LIPE: variants seen among roughly 807,000 people sequenced by gnomAD.
LIPE encodes hormone-sensitive lipase.
LIPE carries 66 observed loss-of-function variants against 88.5 expected under a neutral mutation model. That is an observed-to-expected ratio of 0.75 (90% CI 0.61 to 0.91). The LOEUF is 0.91. Ranked by LOEUF, LIPE falls within the 40% of genes least tolerant of loss-of-function variation. The probability of loss-of-function intolerance (pLI) is 0.00; values close to 1 mark genes in which losing one functional copy is unlikely to be tolerated. For missense variants in LIPE, 1,346 were observed against 1,434.7 expected (o/e 0.94, Z 1.00); for synonymous variants, 570 against 617.5 (o/e 0.92, Z 1.14).
At chr19:42,419,810 C>G (rs1476965263) in intron 1 of LIPE, among the ~76,000 whole-genome samples, 3 of 152,076 alleles carry the variant, frequency 2.0e-5, no homozygotes, top group African/African-American at 4.8e-5. Context: ...CAATGAGTGG[C>G]TGGATCCCCG....
At chr19:42,423,886 C>T in intron 1 of LIPE, 1 of 1,134,206 alleles carries the variant, frequency 8.8e-7, no homozygotes, top group East Asian at 7.3e-5. Flanking sequence ...TGCTGGGAAG[C>T]CTCCCATGTG....
In LIPE at chr19:42,408,963, G is replaced by A. The variant is rs1288777221; in HGVS notation, c.1420-641C>T. The stretch of plus-strand genomic sequence containing the variant: ...GGAGAGGCAAAGGGGGCTCATATAG[G>A]GCCTGGGCAGAGGAATTTGGATTTC... On this transcript the variant is annotated intron_variant, in intron 2 of 9. Transcript: ENST00000244289. This position sits in a 1 kb window ranked among gnomAD's most constrained non-coding sequence, Gnocchi z 4.3. 6.6e-6 allele frequency among the ~76,000 whole-genome samples: 1 copy of A among 152,084 alleles called. No individual in the cohort carries two copies. The highest frequency in any genetic ancestry group is 6.6e-5 in the Admixed American group (1 of 15,258).
chr19:42,403,960 A>C (rs972677116), intron 8 of LIPE, among the ~76,000 whole-genome samples: 2 of 151,716 alleles, frequency 1.3e-5, no homozygotes, highest in Non-Finnish European at 2.9e-5. Flanking sequence ...CTAAAGATAC[A>C]CTTCCAGCCC....
Position 42,406,011 on chromosome 19 carries a change from C to A in LIPE, c.2365+150G>T. 1 of 624,462 alleles carries A rather than the reference C, an allele frequency of 1.6e-6. No individual in the cohort carries two copies. The allele number at this position is 624,462 out of a possible 1,614,324, so 38.7% of individuals were successfully genotyped here. On this transcript the variant is annotated intron_variant, in intron 7 of 9. Coordinates refer to ENST00000244289, the MANE Select transcript of LIPE (RefSeq NM_005357.4). This position sits in a 1 kb window ranked among gnomAD's most constrained non-coding sequence, Gnocchi z 5.7. ...ACACACACACACACACACACACACA[C>A]ACACACACGAAAAAAAAGGGACAAG...
chr19:42,407,679 G>A lies in LIPE; in HGVS notation c.1769C>T (p.Ser590Leu), dbSNP rs2040232186. The A allele has an allele frequency of 1.2e-6, 2 of 1,606,608 alleles. No individual in the cohort carries two copies. Among genetic ancestry groups the A allele is most frequent in the Non-Finnish European group, 1.7e-6 (2 of 1,176,612 alleles). ...TADPTLTVTI[S>L]PPLAHTGPGP... ...AGGGCCTGTGTGGGCCAGTGGGGGT[G>A]AGATGGTGACCGTGAGCGTGGGGTC... is the stretch of plus-strand genomic sequence containing the variant. Residue 590 changes from serine to leucine, a missense_variant, in exon 5 of 10, where the codon TCA (serine) becomes TTA (leucine). Ser to Leu is a moderately radical substitution (Grantham distance 145). Transcript: ENST00000244289. This position sits in a 1 kb window ranked among gnomAD's most constrained non-coding sequence, Gnocchi z 5.8.
At chr19:42,411,353 T>C (rs2040370304) in intron 1 of LIPE, 13 of 984,732 alleles carry the variant, frequency 1.3e-5, no homozygotes, top group Non-Finnish European at 1.6e-5. Flanking sequence ...TGAATTCTCC[T>C]GGGGCCCAAG....
chr19:42,419,701 T>TGGGG (rs2040557719), intron 1 of LIPE, among the ~76,000 whole-genome samples: 1 of 22,600 alleles, frequency 4.4e-5, no homozygotes, highest in African/African-American at 1.8e-4. Flanking sequence ...GGAAGTGGGG[T>TGGGG]GGGGGTGGAT....
chr19:42,403,864 C>G (rs567428166), intron 8 of LIPE, among the ~76,000 whole-genome samples: 3 of 152,086 alleles, frequency 2.0e-5, no homozygotes, highest in Non-Finnish European at 2.9e-5. Context: ...GCACCTGTAG[C>G]CACATGGATC....
At chr19:42,416,727 A>C (rs986390278) in intron 1 of LIPE, among the ~76,000 whole-genome samples, 30 of 152,362 alleles carry the variant, frequency 2.0e-4, no homozygotes, top group African/African-American at 6.7e-4. Flanking sequence ...AGCATGGTTT[A>C]CTGAATATTT....
intron 1 of LIPE, chr19:42,423,887 C>T: frequency 8.8e-7 from 1 of 1,134,724 alleles, no homozygotes. Flanking sequence ...GCTGGGAAGC[C>T]TCCCATGTGC....
Position 42,410,691 on chromosome 19 carries a change from C to T in LIPE, c.1035G>A (p.Ala345=), listed in dbSNP as rs770239857. ...GGCCCAGGGCCGGCTCCAGCCCCAG[C>T]GCCTGCTCCCGTACACCGGCAAAAA... is the stretch of plus-strand genomic sequence containing the variant. ...SGVFAGVREQ[A]LGLEPALGRL... The change falls in exon 2 of 10, where the codon GCG becomes GCA. Residue 345 remains alanine, a synonymous_variant. Coordinates refer to ENST00000244289, the MANE Select transcript of LIPE (RefSeq NM_005357.4). The surrounding 1 kb of genome is among the most constrained non-coding windows in gnomAD (Gnocchi z 6.1). The T allele has an allele frequency of 1.9e-5, 31 of 1,612,788 alleles. No individual in the cohort carries two copies. The South Asian group carries it at 2.2e-4, about 11-fold the overall frequency.
rs967355147 is a variant in LIPE at position 42,401,635 on chromosome 19, G to A, written c.*177C>T. 4.3e-4 allele frequency: 246 copies of A among 568,396 alleles called. 3 individuals are homozygous for A. The highest frequency in any genetic ancestry group is 1.8e-3 in the South Asian group (76 of 42,094). The allele number at this position is 568,396 out of a possible 1,614,324, so 35.2% of individuals were successfully genotyped here. On this transcript the variant is annotated 3_prime_UTR_variant, in exon 10 of 10. Coordinates refer to ENST00000244289, the MANE Select transcript of LIPE (RefSeq NM_005357.4). ...GCAGCGGTGGCGTGCAGGTCCAGCCGTCTCGGTGACCGGTGTGTGTGCGCG... is the reference window on the plus strand; with the variant it reads ...GCAGCGGTGGCGTGCAGGTCCAGCCATCTCGGTGACCGGTGTGTGTGCGCG...
At chr19:42,423,665 C>T (rs2040648730) in intron 1 of LIPE, 2 of 1,161,738 alleles carry the variant, frequency 1.7e-6, no homozygotes, top group Non-Finnish European at 2.2e-6. Flanking sequence ...TCTCTGGGTC[C>T]AGCTCCCTAA....
At position 42,407,547 on chromosome 19, in the gene LIPE, T is replaced by G; in HGVS notation, c.1842+59A>C. On this transcript the variant is annotated intron_variant, in intron 5 of 9. Coordinates refer to ENST00000244289, the MANE Select transcript of LIPE (RefSeq NM_005357.4). This position sits in a 1 kb window ranked among gnomAD's most constrained non-coding sequence, Gnocchi z 5.8. The stretch of plus-strand genomic sequence containing the variant: ...GCACCCCTCCATGGGGATGCCAAGG[T>G]GGGGGCTGCCCACGCTCCTCGGCTC... 1 of 1,573,666 alleles carries G rather than the reference T, an allele frequency of 6.4e-7. No homozygotes were observed. Among genetic ancestry groups the G allele is most frequent in the Non-Finnish European group, 8.6e-7 (1 of 1,156,382 alleles).
Position 42,426,739 on chromosome 19 carries a change from G to A in LIPE, c.411C>T (p.Ala137=). ...QEPALRQRHV[A]QPGPGPGEPP... ...GCTCTCCTGGCCCAGGCCCTGGCTG[G>A]GCTACATGTCTTTGTCTCAATGCTG... Residue 137 remains alanine, a synonymous_variant, in exon 1 of 10, where the codon GCC becomes GCT. Coordinates refer to ENST00000244289, the MANE Select transcript of LIPE (RefSeq NM_005357.4). 6.2e-7 allele frequency: 1 copy of A among 1,614,180 alleles called. No homozygotes were observed. The highest frequency in any genetic ancestry group is 8.5e-7 in the Non-Finnish European group (1 of 1,180,040).
chr19:42,422,996 T>G (rs1245531646), intron 1 of LIPE: 1 of 189,678 alleles, frequency 5.3e-6, no homozygotes, highest in Admixed American at 5.5e-5. Context: ...GACTCACCGC[T>G]AGACTTCCTC....
rs973413468 is a variant in LIPE, at chr19:42,406,038, A to G, written c.2365+123T>C. 25 of 718,108 alleles carry G rather than the reference A, an allele frequency of 3.5e-5. No individual in the cohort carries two copies. The highest frequency in any genetic ancestry group is 9.2e-6 in the Non-Finnish European group (4 of 433,654). 44.5% of individuals were successfully genotyped at this position (718,108 alleles called of 1,614,324 possible). A position where few individuals can be genotyped will look rare whatever the true frequency, so the allele number is the denominator to read the frequency against. On this transcript the variant is annotated intron_variant, in intron 7 of 9. Coordinates refer to ENST00000244289, the MANE Select transcript of LIPE (RefSeq NM_005357.4). This position sits in a 1 kb window ranked among gnomAD's most constrained non-coding sequence, Gnocchi z 5.7. Reference sequence around the variant, plus strand: ...CACACACGAAAAAAAAGGGACAAGGAGTCTTAGATTCCTCTGCCTGGCCTC... The same window carrying G: ...CACACACGAAAAAAAAGGGACAAGGGGTCTTAGATTCCTCTGCCTGGCCTC...
chr19:42,417,721 T>A (rs1422287040), intron 1 of LIPE, among the ~76,000 whole-genome samples: 3 of 152,076 alleles, frequency 2.0e-5, no homozygotes, highest in Admixed American at 6.6e-5. Context: ...AGAAATACAT[T>A]TAGAAATACA....
rs760412230 is a variant in LIPE, at chr19:42,401,878, G to C, written c.3165C>G (p.Ala1055=). The C allele has an allele frequency of 1.3e-4, 175 of 1,399,058 alleles. No individual in the cohort carries two copies. Among genetic ancestry groups the C allele is most frequent in the Non-Finnish European group, 1.5e-4 (163 of 1,060,026 alleles). 86.7% of individuals were successfully genotyped at this position (1,399,058 alleles called of 1,614,324 possible). Residue 1055 remains alanine, a synonymous_variant, in exon 10 of 10, where the codon GCC becomes GCG. Coordinates refer to ENST00000244289, the MANE Select transcript of LIPE (RefSeq NM_005357.4). ...ERIRLVLTPP[A]GAGPSGETGA... Reference sequence around the variant, plus strand: ...CCGTCTCCCCGCTCGGCCCGGCTCCGGCGGGAGGAGTGAGGACGAGGCGGA... The same window carrying C: ...CCGTCTCCCCGCTCGGCCCGGCTCCCGCGGGAGGAGTGAGGACGAGGCGGA...
Sources: allele counts gnomAD v4.1 joint callset (sites outside exome capture counted in the v4.1 genomes callset), GRCh38; gene constraint gnomAD v4.1.1; non-coding constraint Gnocchi (gnomAD v3.1); transcripts MANE v1.5; gene names NCBI Gene and HGNC (gene_info 2026-07-23, HGNC 2026-07-21).